The following SPTBN5 variants were observed in gnomAD, a reference collection of about 807,000 sequenced individuals.
SPTBN5 encodes the protein spectrin beta chain, non-erythrocytic 5.
SPTBN5 carries 513 observed loss-of-function variants against 477.6 expected under a neutral mutation model. That is an observed-to-expected ratio of 1.07 (90% CI 1.00 to 1.16). The LOEUF is 1.16. Ranked by LOEUF, SPTBN5 falls within the 50% of genes most tolerant of loss-of-function variation. The pLI is 0.00. For synonymous variants in SPTBN5, 2,169 were observed against 2,011.7 expected (o/e 1.08, Z -2.09); for missense variants, 5,062 against 4,731.8 (o/e 1.07, Z -2.05).
At chr15:41,853,096 G>A in intron 59 of SPTBN5, 96 bp from the exon 60 acceptor site, 1 of 1,439,216 alleles carries the variant, frequency 6.9e-7, no homozygotes, top group Non-Finnish European at 9.2e-7. Flanking sequence ...GAAGTGCAGA[G>A]GGAAGGCTGT....
At chr15:41,889,616 G>A (rs2067250800) in intron 4 of SPTBN5, among the ~76,000 whole-genome samples, 1 of 152,088 alleles carries the variant, frequency 6.6e-6, no homozygotes, top group African/African-American at 2.4e-5. Flanking sequence ...GAAAGAGGTG[G>A]AATGAAGGAA....
At position 41,887,986 on chromosome 15, in the gene SPTBN5, C is replaced by G; in HGVS notation, c.601G>C (p.Asp201His). ...TASYTNVNIT[D>H]FSRSWSDGLG... is the part of the protein sequence containing the mutation. ...CCATCGCTCCAGCTTCGGGAGAAATCTGTAATGTTCACGTTGGTGTAGCTG... is the reference window on the plus strand; with the variant it reads ...CCATCGCTCCAGCTTCGGGAGAAATGTGTAATGTTCACGTTGGTGTAGCTG... The change falls in exon 5 of 68, where the codon GAT (aspartate) becomes CAT (histidine). Residue 201 changes from aspartate (D) to histidine (H), a missense_variant. Asp to His is a moderately conservative substitution (Grantham distance 81). Coordinates refer to ENST00000320955, the MANE Select transcript of SPTBN5 (RefSeq NM_016642.4). 6.2e-7 allele frequency: 1 copy of G among 1,605,950 alleles called. No homozygotes were observed. The highest frequency in any genetic ancestry group is 8.5e-7 in the Non-Finnish European group (1 of 1,176,550).
At position 41,863,928 on chromosome 15, in the gene SPTBN5, G is replaced by T; in HGVS notation, c.7015C>A (p.Arg2339=). The T allele has an allele frequency of 6.2e-7, 1 of 1,613,842 alleles. No individual in the cohort carries two copies. The highest frequency in any genetic ancestry group is 1.3e-5 in the African/African-American group (1 of 75,042). Residue 2339 remains arginine (R), a synonymous_variant, in exon 40 of 68, where the codon CGA becomes AGA. Transcript: ENST00000320955. ...ACTGGCCTGTTGTTGAGCTGGCTTC[G>T]CCGCTGGCAGATGATCTTGACTTCC... ...PEEVKIICQR[R]SQLNNRWASF... is the part of the protein sequence containing the mutation.
chr15:41,875,729 C>T, intron 21 of SPTBN5, 107 bp from the exon 22 acceptor site: 1 of 1,174,754 alleles, frequency 8.5e-7, no homozygotes, highest in Non-Finnish European at 1.2e-6. Flanking sequence ...GTGACCACAG[C>T]TGCACTCCAC....
chr15:41,861,612 G>C, intron 45 of SPTBN5, 116 bp from the exon 46 acceptor site: 2 of 1,504,742 alleles, frequency 1.3e-6, no homozygotes, highest in South Asian at 1.2e-5. Context: ...CAGGAGTGCT[G>C]AGTGGTGGGG....
intron 46 of SPTBN5, 90 bp downstream of exon 46, chr15:41,861,329 G>A: frequency 8.5e-7 from 1 of 1,175,350 alleles, no homozygotes; most frequent in African/African-American, 1.5e-5. Context: ...AGGATCCCTG[G>A]CCTAGGGAGC....
At chr15:41,853,481 T>C in intron 58 of SPTBN5, 34 bp from the exon 59 acceptor site, 1 of 1,546,488 alleles carries the variant, frequency 6.5e-7, no homozygotes, top group East Asian at 2.3e-5. Context: ...TTGTCAGGGC[T>C]GGCTGGGGAG....
At chr15:41,851,908 C>T (rs2065777720) in intron 62 of SPTBN5, 58 bp from the exon 63 acceptor site, 15 of 1,400,728 alleles carry the variant, frequency 1.1e-5, no homozygotes, top group Non-Finnish European at 1.4e-5. Flanking sequence ...GGAAGGTGGG[C>T]AAGGCACCCA....
chr15:41,875,417 C>T (rs747249725), intron 22 of SPTBN5, 41 bp downstream of exon 22: 3 of 1,592,236 alleles, frequency 1.9e-6, no homozygotes, highest in African/African-American at 2.7e-5. Context: ...CCAGCCAGGC[C>T]TCCGTCTCCC....
rs750895527 is a variant in SPTBN5 at position 41,893,381 on chromosome 15, C to T, written c.117G>A (p.Gln39=). 1 of 1,613,902 alleles carries T rather than the reference C, an allele frequency of 6.2e-7. No individual in the cohort carries two copies. Among genetic ancestry groups the T allele is most frequent in the South Asian group, 1.1e-5 (1 of 91,078 alleles). ...PPSPSLTMDS[Q]YETGHIRKLQ... is the part of the protein sequence containing the mutation. The stretch of plus-strand genomic sequence containing the variant: ...GCTTGCGAATGTGGCCCGTCTCGTA[C>T]TGAGAGTCCATGGTGAGACTTGGAC... Residue 39 remains glutamine (Q), a synonymous_variant, in exon 2 of 68, where the codon CAG becomes CAA. Coordinates refer to ENST00000320955, the MANE Select transcript of SPTBN5 (RefSeq NM_016642.4).
At chr15:41,859,888 T>TGGCTCTCTGATC (rs1461066858) in intron 47 of SPTBN5, among the ~76,000 whole-genome samples, 4 of 152,184 alleles carry the variant, frequency 2.6e-5, no homozygotes, top group Admixed American at 2.0e-4. Flanking sequence ...GGGTGCTGGT[T>TGGCTCTCTGATC]GGCTCTCTGA....
Position 41,853,299 on chromosome 15 carries a change from C to T in SPTBN5, c.10129G>A (p.Gly3377Arg). 1 of 1,611,560 alleles carries T rather than the reference C, an allele frequency of 6.2e-7. No individual in the cohort carries two copies. Among genetic ancestry groups the T allele is most frequent in the Non-Finnish European group, 8.5e-7 (1 of 1,178,558 alleles). ...RLQAQDLRQEGQQLVDNSHFM... is the reference protein window; with the variant it reads ...RLQAQDLRQERQQLVDNSHFM... ...TGGCTGTTGTCCACCAGCTGCTGTC[C>T]TTCCTGCCGCAGGTCCTGGGCTTGA... The change falls in exon 59 of 68, where the codon GGA (glycine) becomes AGA (arginine). Residue 3377 changes from glycine (G) to arginine (R), a missense_variant. By Grantham distance (125) the Gly-to-Arg change is moderately radical (BLOSUM62 -2). Coordinates refer to ENST00000320955, the MANE Select transcript of SPTBN5 (RefSeq NM_016642.4).
Position 41,849,937 on chromosome 15 carries a change from G to A in SPTBN5, c.10944C>T (p.Leu3648=). The change falls in exon 67 of 68, where the codon CTC becomes CTT. Residue 3648 remains leucine, a synonymous_variant. Transcript: ENST00000320955. ...TCAGAGAGCTGACAGGTTTGGCTTT[G>A]AGTTTTGGGCTCAGACTCTGGGCTG... is the stretch of plus-strand genomic sequence containing the variant. ...STAAQSLSPK[L]KAKPVSSLNE... is the part of the protein sequence containing the mutation. 6.3e-7 allele frequency: 1 copy of A among 1,595,736 alleles called. No individual in the cohort carries two copies. Among genetic ancestry groups the A allele is most frequent in the Non-Finnish European group, 8.5e-7 (1 of 1,170,894 alleles).
At chr15:41,878,137 G>A (rs28674949) in intron 17 of SPTBN5, among the ~76,000 whole-genome samples, 4 of 152,222 alleles carry the variant, frequency 2.6e-5, no homozygotes, top group South Asian at 4.1e-4. Flanking sequence ...GTCTCTCCTC[G>A]AAGTGTACAG....
chr15:41,857,443 T>G lies in SPTBN5; in HGVS notation c.8416A>C (p.Ile2806Leu), dbSNP rs1437963264. Residue 2806 changes from isoleucine (I) to leucine (L), a missense_variant, in exon 51 of 68, where the codon ATC becomes CTC. Physicochemically the swap from Ile to Leu is conservative, Grantham distance 5. Coordinates refer to ENST00000320955, the MANE Select transcript of SPTBN5 (RefSeq NM_016642.4). ...GTGGGGGCTCTCAGCTCAACCTCGA[T>G]GGGCTCCAGCCAGTTCTCCAGTTCC... ...MEELENWLEPIEVELRAPTVG... is the reference protein window; with the variant it reads ...MEELENWLEPLEVELRAPTVG... 4 of 1,607,540 alleles carry G rather than the reference T, an allele frequency of 2.5e-6. No individual in the cohort carries two copies. Among genetic ancestry groups the G allele is most frequent in the Non-Finnish European group, 3.4e-6 (4 of 1,177,538 alleles).
intron 48 of SPTBN5, 40 bp from the exon 49 acceptor site, chr15:41,858,788 T>C: frequency 6.3e-7 from 1 of 1,587,042 alleles, no homozygotes; most frequent in Non-Finnish European, 8.6e-7. Context: ...TCCAGGGCTT[T>C]CCCCTTCCCC....
rs762252387 is a variant in SPTBN5, at chr15:41,862,879, A to G, written c.7174T>C (p.Cys2392Arg). 6 of 1,585,928 alleles carry G rather than the reference A, an allele frequency of 3.8e-6. No homozygotes were observed. Among genetic ancestry groups the G allele is most frequent in the Admixed American group, 3.6e-5 (2 of 56,178 alleles). Residue 2392 changes from cysteine (C) to arginine (R), a missense_variant, in exon 42 of 68, where the codon TGT (cysteine) becomes CGT (arginine). Coordinates refer to ENST00000320955, the MANE Select transcript of SPTBN5 (RefSeq NM_016642.4). The part of the protein sequence containing the change: ...EKEALIQALD[C>R]GKDLESVQRL... ...TGCACGCTCTCCAGATCTTTCCCAC[A>G]GTCCAGGGCCTGGATCAGGGCTTCC...
At chr15:41,870,148 G>A in intron 31 of SPTBN5, 95 bp downstream of exon 31, 1 of 1,461,522 alleles carries the variant, frequency 6.8e-7, no homozygotes, top group Non-Finnish European at 9.1e-7. Flanking sequence ...GCCCATGGGA[G>A]GCCCTGAGGG....
chr15:41,874,892 G>C lies in SPTBN5; in HGVS notation c.4452C>G (p.Gly1484=). 1 of 1,612,868 alleles carries C rather than the reference G, an allele frequency of 6.2e-7. No individual in the cohort carries two copies. Among genetic ancestry groups the C allele is most frequent in the African/African-American group, 1.3e-5 (1 of 75,052 alleles). ...KMAALASMAH[G]MAASPAILEE... ...CCAGGATGGCCGGGGAGGCGGCCAT[G>C]CCATGGGCCATGGAGGCGAGGGCAG... Residue 1484 remains glycine (G), a synonymous_variant, in exon 23 of 68, where the codon GGC becomes GGG. Transcript: ENST00000320955.
Sources: gnomAD v4.1 joint callset for allele counts (sites outside exome capture counted in the v4.1 genomes callset) on GRCh38, gnomAD v4.1.1 for gene constraint, MANE v1.5 for transcripts, NCBI Gene and HGNC (gene_info 2026-07-23, HGNC 2026-07-21) for gene names.